USP30: variants seen among roughly 807,000 people sequenced by gnomAD.
The protein encoded by USP30 is ubiquitin carboxyl-terminal hydrolase 30.
In USP30, 41 loss-of-function variants were observed where a neutral mutation model predicts 68.2. The ratio of observed to expected loss-of-function variants is 0.60; its 90% confidence interval spans 0.47 to 0.78. The LOEUF is 0.78. USP30 is among the 30% of genes least tolerant of loss of function. The pLI is 0.00. For synonymous variants in USP30, 229 were observed against 253.7 expected (o/e 0.90, Z 0.93); for missense variants, 522 against 649.4 (o/e 0.80, Z 2.13).
At chr12:109,079,267 T>C (rs2041707267) in intron 7 of USP30, among the ~76,000 whole-genome samples, 1 of 151,546 alleles carries the variant, frequency 6.6e-6, no homozygotes, top group Admixed American at 6.6e-5. Context: ...GTGTGTTCTT[T>C]AAATTAGATC....
intron 4 of USP30, among the ~76,000 whole-genome samples, chr12:109,071,360 T>G (rs1002996261): frequency 6.6e-6 from 1 of 152,226 alleles, no homozygotes; most frequent in Non-Finnish European, 1.5e-5. Flanking sequence ...AACAGAATGG[T>G]CTCATAGACT....
intron 6 of USP30, 138 bp downstream of exon 6, chr12:109,072,488 T>C: frequency 1.2e-6 from 1 of 804,234 alleles, no homozygotes; most frequent in South Asian, 1.6e-5. Flanking sequence ...AAGGAACTTG[T>C]ATTTTGGAAA....
chr12:109,036,960 G>A (rs2040525577), intron 3 of USP30, among the ~76,000 whole-genome samples: 1 of 152,012 alleles, frequency 6.6e-6, no homozygotes, highest in Non-Finnish European at 1.5e-5. Context: ...ATAGATTAAT[G>A]TTTTCCATAA....
intron 3 of USP30, among the ~76,000 whole-genome samples, chr12:109,042,313 A>G (rs1253640487): frequency 6.6e-6 from 1 of 152,154 alleles, no homozygotes; most frequent in Non-Finnish European, 1.5e-5. Context: ...AAAATTCACT[A>G]AGAACAAAAA....
intron 3 of USP30, among the ~76,000 whole-genome samples, chr12:109,061,636 C>G (rs750065979): frequency 5.9e-5 from 9 of 152,066 alleles, no homozygotes; most frequent in Admixed American, 1.3e-4. Context: ...TCTCGAACTC[C>G]TAAGCTCAAG....
rs543582071 is a variant in USP30, at chr12:109,036,307, CT to C, written c.-136+8765del. Among the ~76,000 whole-genome samples the C allele has an allele frequency of 7.4e-3, 934 of 126,026 alleles. 2 individuals carry two copies. The highest frequency in any genetic ancestry group is 0.012 in the African/African-American group (399 of 32,128). The allele number at this position is 126,026 out of a possible 152,430, so 82.7% of individuals were successfully genotyped here. ...TGTTCCTTTTAGTATTTCTTTCTTT[CT>C]TTTTTTTTTTTTTAGGGAGTCTCAC... On this transcript the variant is annotated intron_variant, in intron 3 of 15. Coordinates refer to the USP30 transcript ENST00000392784.
At position 109,072,294 on chromosome 12, in the gene USP30, C is replaced by A. The variant is rs530020088; in HGVS notation, c.580-11C>A. The A allele has an allele frequency of 3.9e-6, 6 of 1,551,956 alleles. No homozygotes were observed. Among genetic ancestry groups the A allele is most frequent in the Non-Finnish European group, 5.3e-6 (6 of 1,142,114 alleles). On this transcript the variant is annotated splice_polypyrimidine_tract_variant and intron_variant, in intron 5 of 12. Transcript: ENST00000257548. ...GGTTTTCAGTCTGTTTTTTTTTTTTCTCCCCTACAGCAGCAGTCAGAAATA... is the reference window on the plus strand; with the variant it reads ...GGTTTTCAGTCTGTTTTTTTTTTTTATCCCCTACAGCAGCAGTCAGAAATA...
At chr12:109,071,155 T>G (rs559523220) in intron 4 of USP30, among the ~76,000 whole-genome samples, 4 of 152,118 alleles carry the variant, frequency 2.6e-5, no homozygotes, top group Non-Finnish European at 4.4e-5. Flanking sequence ...TTAACAGATA[T>G]GGAGTTTCAG....
Position 109,085,842 on chromosome 12 carries a change from G to T in USP30, c.1465G>T (p.Val489Phe). The change falls in exon 13 of 13, where the codon GTC becomes TTC. Residue 489 changes from valine (V) to phenylalanine (F), a missense_variant. Coordinates refer to ENST00000257548, the MANE Select transcript of USP30 (RefSeq NM_032663.5). ...TGTCCGCAAGGCCAGCCTGCAGGAG[G>T]TCCTGTCCTCCAGCGCCTACCTGCT... ...DTVRKASLQE[V>F]LSSSAYLLFY... The T allele has an allele frequency of 6.2e-7, 1 of 1,614,234 alleles. No homozygotes were observed. Among genetic ancestry groups the T allele is most frequent in the Non-Finnish European group, 8.5e-7 (1 of 1,180,046 alleles).
chr12:109,035,044 T>C (rs965259963), intron 3 of USP30, among the ~76,000 whole-genome samples: 9 of 152,212 alleles, frequency 5.9e-5, no homozygotes, highest in African/African-American at 2.2e-4. Flanking sequence ...AGATAGAATA[T>C]AGTTGGATTA....
chr12:109,056,847 C>A, intron 2 of USP30, 56 bp downstream of exon 2: 1 of 1,273,828 alleles, frequency 7.9e-7, no homozygotes. Context: ...TCCCTGTTAT[C>A]TGAAAACAGT....
At chr12:109,042,889 T>G (rs1437994401) in intron 3 of USP30, among the ~76,000 whole-genome samples, 2 of 152,128 alleles carry the variant, frequency 1.3e-5, no homozygotes, top group African/African-American at 4.8e-5. Flanking sequence ...AACTAATAAA[T>G]TAATTCAGCA....
chr12:109,027,045 GT>G (rs1293015239), intron 2 of USP30, among the ~76,000 whole-genome samples: 2 of 152,190 alleles, frequency 1.3e-5, no homozygotes, highest in Non-Finnish European at 2.9e-5. Flanking sequence ...ACATTATGGG[GT>G]TAGGGCTTCA....
upstream of USP30, chr12:109,052,466 G>T (rs575596682): frequency 4.6e-6 from 2 of 430,190 alleles, no homozygotes; most frequent in African/African-American, 4.1e-5. Context: ...TGTTGCTAAG[G>T]GAAAAGAAAG....
upstream of USP30, chr12:109,052,469 A>C: frequency 9.3e-6 from 4 of 428,096 alleles, no homozygotes; most frequent in Non-Finnish European, 1.6e-5. Flanking sequence ...TGCTAAGGGA[A>C]AAGAAAGAAA....
chr12:109,081,954 C>G lies in USP30; in HGVS notation c.802C>G (p.His268Asp), dbSNP rs1377659509. Residue 268 changes from histidine to aspartate, a missense_variant, in exon 9 of 13, where the codon CAC (histidine) becomes GAC (aspartate). Transcript: ENST00000257548. ...ATWGHPLTLD[H>D]CLHHFISSES... Reference sequence around the variant, plus strand: ...GTAGGGTCACCCATTGACCCTGGACCACTGCCTTCACCACTTCATCTCATC... The same window carrying G: ...GTAGGGTCACCCATTGACCCTGGACGACTGCCTTCACCACTTCATCTCATC... 6.2e-7 allele frequency: 1 copy of G among 1,614,222 alleles called. No homozygotes were observed. Among genetic ancestry groups the G allele is most frequent in the Non-Finnish European group, 8.5e-7 (1 of 1,180,044 alleles).
chr12:109,029,526 G>A lies in USP30; in HGVS notation c.-136+1970G>A, dbSNP rs186182915. Among the ~76,000 whole-genome samples the A allele has an allele frequency of 4.9e-3, 751 of 152,278 alleles. 4 individuals carry two copies. The highest frequency in any genetic ancestry group is 0.024 in the Middle Eastern group (7 of 292). ...TATCTTAGTGCACCTAAAGGGAAAGGAATGTACTTATTAGGGCACACTGTT... is the reference window on the plus strand; with the variant it reads ...TATCTTAGTGCACCTAAAGGGAAAGAAATGTACTTATTAGGGCACACTGTT... On this transcript the variant is annotated intron_variant, in intron 3 of 15. Coordinates refer to the USP30 transcript ENST00000392784.
intron 3 of USP30, among the ~76,000 whole-genome samples, chr12:109,061,407 A>G (rs1284804777): frequency 6.6e-6 from 1 of 151,662 alleles, no homozygotes; most frequent in Non-Finnish European, 1.5e-5. Context: ...AAAAAAAAAA[A>G]AAATTTTTTT....
chr12:109,079,057 G>A (rs1223662750), intron 7 of USP30, among the ~76,000 whole-genome samples: 1 of 152,008 alleles, frequency 6.6e-6, no homozygotes, highest in East Asian at 1.9e-4. Context: ...CATAGATGTG[G>A]TTTTCTTAGT....
Sources: gnomAD v4.1 joint callset for allele counts (sites outside exome capture counted in the v4.1 genomes callset) on GRCh38, gnomAD v4.1.1 for gene constraint, MANE v1.5 for transcripts, NCBI Gene and HGNC (gene_info 2026-07-23, HGNC 2026-07-21) for gene names.